The following MYO10 variants were observed in gnomAD, a reference collection of about 807,000 sequenced individuals.
MYO10 encodes the protein unconventional myosin-X.
A neutral mutation model predicts 257.3 loss-of-function variants in MYO10; 133 were observed. The ratio of observed to expected loss-of-function variants is 0.52; its 90% CI spans 0.45 to 0.60. The LOEUF (loss-of-function observed/expected upper bound fraction) is 0.60. Among genes scored for constraint, MYO10 ranks in the 20% least tolerant of loss-of-function variants. The pLI is 0.00. For synonymous variants in MYO10, 1,104 were observed against 1,028.6 expected (o/e 1.07, Z -1.40); for missense variants, 2,399 against 2,635.7 (o/e 0.91, Z 1.97).
chr5:16,804,090 C>A (rs1742199849), intron 3 of MYO10, among the ~76,000 whole-genome samples: 1 of 152,220 alleles, frequency 6.6e-6, no homozygotes, highest in Admixed American at 6.5e-5. Flanking sequence ...GAATGTGCCA[C>A]ACTGTGGATC....
chr5:16,804,760 C>A, intron 3 of MYO10, among the ~76,000 whole-genome samples: 1 of 151,778 alleles, frequency 6.6e-6, no homozygotes. Context: ...ACTAAAAATA[C>A]GAAAATTAGC....
intron 40 of MYO10, 104 bp from the exon 41 acceptor site, chr5:16,666,897 C>A: frequency 2.5e-6 from 2 of 813,694 alleles, no homozygotes; most frequent in South Asian, 3.4e-5. Flanking sequence ...CCGTAGCCTT[C>A]CATGCTAATC....
At chr5:16,760,905 A>C (rs1161542898) in intron 17 of MYO10, among the ~76,000 whole-genome samples, 1 of 152,116 alleles carries the variant, frequency 6.6e-6, no homozygotes, top group Non-Finnish European at 1.5e-5. Flanking sequence ...ACAGTATGTT[A>C]CTTATACCTC....
rs935968245 is a variant in MYO10 at position 16,666,557 on chromosome 5, C to A, written c.*135G>T. 3.0e-6 allele frequency: 2 copies of A among 673,826 alleles called. No individual in the cohort carries two copies. The highest frequency in any genetic ancestry group is 4.9e-6 in the Non-Finnish European group (2 of 406,442). 41.7% of individuals were successfully genotyped at this position (673,826 alleles called of 1,614,324 possible). The stretch of plus-strand genomic sequence containing the variant: ...CAGGCAAAAGGATCCTCGGAGACAC[C>A]TCCCTCAGACCAGAAGCTTCCAGAA... On this transcript the variant is annotated 3_prime_UTR_variant, in exon 41 of 41. Transcript: ENST00000513610.
intron 18 of MYO10, among the ~76,000 whole-genome samples, chr5:16,756,926 C>G (rs1013415252): frequency 2.0e-5 from 3 of 151,836 alleles, no homozygotes; most frequent in African/African-American, 7.3e-5. Context: ...CATAATAAGA[C>G]CCCATCTCAG....
chr5:16,733,399 A>C (rs948189776), intron 19 of MYO10, among the ~76,000 whole-genome samples: 8 of 152,130 alleles, frequency 5.3e-5, no homozygotes, highest in Non-Finnish European at 8.8e-5. Context: ...TTGATAATAG[A>C]TATAGCTGAT....
rs1736110519 is a variant in MYO10 at position 16,665,309 on chromosome 5, G to GTATC, written c.*1379_*1382dup. The GTATC allele has an allele frequency of 6.6e-6, 1 of 152,058 alleles. No individual in the cohort carries two copies. The highest frequency in any genetic ancestry group is 1.5e-5 in the Non-Finnish European group (1 of 68,018). 9.4% of individuals were successfully genotyped at this position (152,058 alleles called of 1,614,324 possible). A position where few individuals can be genotyped will look rare whatever the true frequency, so the allele number is the denominator to read the frequency against. On this transcript the variant is annotated 3_prime_UTR_variant, in exon 41 of 41. Transcript: ENST00000513610. Reference sequence around the variant, plus strand: ...AAGGAAACACACAGCGTGTTAGCTAGTATCTTTTATTGTCAGAACTTCTGT... The same window carrying GTATC: ...AAGGAAACACACAGCGTGTTAGCTAGTATCTATCTTTTATTGTCAGAACTTCTGT...
intron 1 of MYO10, among the ~76,000 whole-genome samples, chr5:16,934,388 C>T (rs891845104): frequency 6.6e-6 from 1 of 152,240 alleles, no homozygotes; most frequent in Non-Finnish European, 1.5e-5. Flanking sequence ...AGTTAAGAAT[C>T]ATTGCCCTAG....
intron 28 of MYO10, among the ~76,000 whole-genome samples, chr5:16,689,220 A>G (rs1737381596): frequency 6.6e-6 from 1 of 152,220 alleles, no homozygotes; most frequent in Non-Finnish European, 1.5e-5. Flanking sequence ...AAAAGAGTTA[A>G]TATTTATGAA....
intron 4 of MYO10, among the ~76,000 whole-genome samples, chr5:16,787,264 C>A (rs1461732905): frequency 6.6e-6 from 1 of 152,006 alleles, no homozygotes; most frequent in Non-Finnish European, 1.5e-5. Context: ...TAGGACTCTA[C>A]CAGGAGGTAA....
At chr5:16,702,190 A>G (rs993950876) in intron 24 of MYO10, among the ~76,000 whole-genome samples, 6 of 152,194 alleles carry the variant, frequency 3.9e-5, no homozygotes, top group African/African-American at 7.2e-5. Flanking sequence ...GAAGACATCA[A>G]ACTTAAGGAT....
At position 16,906,215 on chromosome 5, in the gene MYO10, A is replaced by AC. The variant is rs568703926; in HGVS notation, c.22-28509dup. Among the ~76,000 whole-genome samples the AC allele has an allele frequency of 6.8e-4, 103 of 151,466 alleles. 1 individual carries two copies. The highest frequency in any genetic ancestry group is 2.2e-3 in the Admixed American group (33 of 15,182). ...GTGCCAGGGGTAGGGTCCAGAATGG[A>AC]CCCCCCCATTCCTCAACACCACACC... On this transcript the variant is annotated intron_variant, in intron 1 of 40. Coordinates refer to ENST00000513610, the MANE Select transcript of MYO10 (RefSeq NM_012334.3).
At chr5:16,739,102 C>G (rs73051099) in intron 19 of MYO10, among the ~76,000 whole-genome samples, 2,913 of 150,636 alleles carry the variant, frequency 0.019, 99 homozygotes, top group African/African-American at 0.068. Context: ...AGGAGGATCT[C>G]TTGCAGCCAG....
chr5:16,794,599 G>T, intron 4 of MYO10, 47 bp downstream of exon 4: 1 of 1,527,268 alleles, frequency 6.5e-7, no homozygotes, highest in Non-Finnish European at 8.8e-7. Flanking sequence ...GTGCGCGGAG[G>T]GACTCCTGGG....
At chr5:16,778,819 T>TAGCTGGGACTATAGGCGCCC (rs1172225180) in intron 9 of MYO10, among the ~76,000 whole-genome samples, 3 of 150,966 alleles carry the variant, frequency 2.0e-5, no homozygotes, top group African/African-American at 7.3e-5. Context: ...GCCTCCCGAG[T>TAGCTGGGACTATAGGCGCCC]AGCTGGGACT....
intron 3 of MYO10, among the ~76,000 whole-genome samples, chr5:16,800,224 G>GA (rs1346975492): frequency 6.6e-6 from 1 of 151,874 alleles, no homozygotes; most frequent in Admixed American, 6.6e-5. Context: ...GAGTTACCAT[G>GA]AAAAAAATAT....
chr5:16,935,816 G>A lies in MYO10; in HGVS notation c.-8C>T, dbSNP rs1200193779. On this transcript the variant is annotated 5_prime_UTR_variant, in exon 1 of 41. Coordinates refer to ENST00000513610, the MANE Select transcript of MYO10 (RefSeq NM_012334.3). The stretch of plus-strand genomic sequence containing the variant: ...GGTGAAGAAGTTATCCATTGTTCCA[G>A]CGCAGTCCCGGACTCGCCGAGTGCC... The A allele has an allele frequency of 6.2e-7, 1 of 1,613,114 alleles. No homozygotes were observed. Among genetic ancestry groups the A allele is most frequent in the Non-Finnish European group, 8.5e-7 (1 of 1,179,674 alleles).
At chr5:16,713,653 T>C (rs1396474910) in intron 19 of MYO10, among the ~76,000 whole-genome samples, 2 of 152,108 alleles carry the variant, frequency 1.3e-5, no homozygotes, top group South Asian at 2.1e-4. Context: ...GGGGGATCTA[T>C]AGGCTGATTG....
intron 19 of MYO10, chr5:16,738,033 GA>G: frequency 1.1e-6 from 1 of 871,508 alleles, no homozygotes; most frequent in Non-Finnish European, 1.4e-6. Flanking sequence ...AGAAAATCTA[GA>G]AAACTAGGAA....
Sources: gnomAD v4.1 joint callset for allele counts (sites outside exome capture counted in the v4.1 genomes callset) on GRCh38, gnomAD v4.1.1 for gene constraint, MANE v1.5 for transcripts, NCBI Gene and HGNC (gene_info 2026-07-23, HGNC 2026-07-21) for gene names.